Variants in FHAD1 observed in about 807,000 individuals in gnomAD.
FHAD1 encodes the protein forkhead associated phosphopeptide binding domain 1, also known as forkhead-associated domain-containing protein 1.
FHAD1 carries 146 observed loss-of-function variants against 191.3 expected under a neutral mutation model. The observed-to-expected ratio is 0.76, with a 90% CI of 0.67 to 0.88. The LOEUF is 0.88. Ranked by LOEUF, FHAD1 falls within the 40% of genes least tolerant of loss-of-function variation. The pLI, the probability that FHAD1 is intolerant of heterozygous loss-of-function variation, is 0.00. For synonymous variants in FHAD1, 616 were observed against 672.3 expected (o/e 0.92, Z 1.29); for missense variants, 1,635 against 1,785.8 (o/e 0.92, Z 1.52).
At chr1:15,399,742 A>G (rs1706991980), downstream of FHAD1, among the ~76,000 whole-genome samples, 1 of 152,144 alleles carries the variant, frequency 6.6e-6, no homozygotes, top group Non-Finnish European at 1.5e-5. Flanking sequence ...ACATTTCCCC[A>G]CTTGTGTTCA....
intron 8 of FHAD1, among the ~76,000 whole-genome samples, chr1:15,314,049 A>C (rs1673153685): frequency 6.7e-6 from 1 of 149,644 alleles, no homozygotes; most frequent in South Asian, 2.1e-4. Flanking sequence ...AACAAGAGTG[A>C]AACTCCGTCT....
At chr1:15,386,539 C>G (rs1197670574) in intron 31 of FHAD1, among the ~76,000 whole-genome samples, 1 of 152,248 alleles carries the variant, frequency 6.6e-6, no homozygotes, top group Non-Finnish European at 1.5e-5. Context: ...TTTGTTAGGA[C>G]TTGAGTGTGA....
At chr1:15,380,657 T>A in intron 28 of FHAD1, 44 bp from the exon 29 acceptor site, 1 of 1,451,140 alleles carries the variant, frequency 6.9e-7, no homozygotes, top group Non-Finnish European at 9.5e-7. Context: ...TAGAAAGTCA[T>A]AATGGAATGT....
At chr1:15,402,815 A>C (rs1707155925), downstream of FHAD1, among the ~76,000 whole-genome samples, 1 of 152,212 alleles carries the variant, frequency 6.6e-6, no homozygotes, top group South Asian at 2.1e-4. Context: ...TCCAGGAACC[A>C]GCTGGTTGTC....
chr1:15,266,634 C>T (rs939476644), intron 2 of FHAD1, among the ~76,000 whole-genome samples: 2 of 152,076 alleles, frequency 1.3e-5, no homozygotes, highest in Admixed American at 6.5e-5. Context: ...TCATTCTTCA[C>T]GTTATAAAGT....
chr1:15,381,932 C>T lies in FHAD1; in HGVS notation c.4023-96C>T, dbSNP rs1285072233. The stretch of plus-strand genomic sequence containing the variant: ...GATGACACTCCTGAGTGAGCCCCCA[C>T]TGTGGATGTATTTTGAGAGACTTCC... On this transcript the variant is annotated intron_variant, in intron 30 of 33. Transcript: ENST00000688493. This position sits in a 1 kb window ranked among gnomAD's most constrained non-coding sequence, Gnocchi z 4.6. 1 of 1,358,378 alleles carries T rather than the reference C, an allele frequency of 7.4e-7. No individual in the cohort carries two copies. The highest frequency in any genetic ancestry group is 1.5e-5 in the African/African-American group (1 of 68,058). The allele number at this position is 1,358,378 out of a possible 1,614,324, so 84.1% of individuals were successfully genotyped here.
At position 15,342,998 on chromosome 1, in the gene FHAD1, A is replaced by G. The variant is rs367949425; in HGVS notation, c.2130+1110A>G. On this transcript the variant is annotated intron_variant, in intron 16 of 33. Transcript: ENST00000688493. ...TTTTGTAGAAATGAGGTCTCTCTCTATGTTGCCCAGGCTGGTCTCAGACTC... is the reference window on the plus strand; with the variant it reads ...TTTTGTAGAAATGAGGTCTCTCTCTGTGTTGCCCAGGCTGGTCTCAGACTC... 2.1e-4 allele frequency among the ~76,000 whole-genome samples: 32 copies of G among 150,008 alleles called. 1 individual carries two copies. The East Asian group carries it at 5.4e-3, about 25-fold the overall frequency.
rs12737093 is a variant in FHAD1, at chr1:15,374,861, T to G, written c.3577+230T>G. ...TCACTATTGTACGTTTTTTTTTTTG[T>G]TTGTTTTTTTTTTTTGAGACAGAGT... On this transcript the variant is annotated intron_variant, in intron 27 of 33. Coordinates refer to ENST00000688493, the MANE Select transcript of FHAD1 (RefSeq NM_001391957.1). Among the ~76,000 whole-genome samples the G allele has an allele frequency of 1.5e-3, 149 of 102,096 alleles. 1 individual carries two copies. Among genetic ancestry groups the G allele is most frequent in the East Asian group, 7.4e-3 (31 of 4,204 alleles). The allele number at this position is 102,096 out of a possible 152,430, so 67.0% of individuals were successfully genotyped here. A position where few individuals can be genotyped will look rare whatever the true frequency, so the allele number is the denominator to read the frequency against.
chr1:15,257,247 C>T (rs571162442), intron 2 of FHAD1, among the ~76,000 whole-genome samples: 94 of 152,340 alleles, frequency 6.2e-4, no homozygotes, highest in Middle Eastern at 6.8e-3. Context: ...CAGTTCCCCA[C>T]CAACAGTGAG....
chr1:15,391,379 G>C (rs1704006201), intron 33 of FHAD1, 116 bp downstream of exon 33: 1 of 516,792 alleles, frequency 1.9e-6, no homozygotes, highest in African/African-American at 2.0e-5. Flanking sequence ...GCAGTGGCTA[G>C]TTCTGTGGTT....
At chr1:15,239,171 T>A (rs1645091348) in intron 1 of FHAD1, among the ~76,000 whole-genome samples, 2 of 152,184 alleles carry the variant, frequency 1.3e-5, no homozygotes, top group African/African-American at 4.8e-5. Flanking sequence ...CCTCCCAAAG[T>A]GCTGGGATTA....
intron 3 of FHAD1, among the ~76,000 whole-genome samples, chr1:15,284,970 A>G (rs761378775): frequency 2.0e-5 from 3 of 152,216 alleles, no homozygotes; most frequent in Non-Finnish European, 4.4e-5. Context: ...ACTAGCAAGT[A>G]TTTTTTAACT....
intron 19 of FHAD1, among the ~76,000 whole-genome samples, chr1:15,352,425 C>G (rs1307661040): frequency 1.3e-5 from 2 of 152,154 alleles, no homozygotes; most frequent in Non-Finnish European, 2.9e-5. Flanking sequence ...AAGTGGCTGC[C>G]TGGGTCCTCA....
intron 4 of FHAD1, among the ~76,000 whole-genome samples, chr1:15,292,758 A>G (rs1220522061): frequency 6.6e-6 from 1 of 152,128 alleles, no homozygotes; most frequent in Non-Finnish European, 1.5e-5. Context: ...CCTCAGGAGA[A>G]GCCACCCGGC....
At chr1:15,331,467 AGTGG>A (rs1194089012) in intron 14 of FHAD1, among the ~76,000 whole-genome samples, 6 of 61,758 alleles carry the variant, frequency 9.7e-5, no homozygotes, top group Non-Finnish European at 9.5e-5. Flanking sequence ...TGGAAGGGTG[AGTGG>A]GTGGGTGGGT....
chr1:15,390,083 C>T (rs1243417610), intron 32 of FHAD1, among the ~76,000 whole-genome samples: 3 of 152,114 alleles, frequency 2.0e-5, no homozygotes, highest in Admixed American at 6.6e-5. Context: ...TGGTGGCTCA[C>T]GCCTGTAATT....
intron 8 of FHAD1, among the ~76,000 whole-genome samples, chr1:15,315,778 G>A (rs1411705640): frequency 2.0e-5 from 3 of 152,058 alleles, no homozygotes; most frequent in Non-Finnish European, 2.9e-5. Flanking sequence ...AAGCCACCGC[G>A]CCCAGCCGGG....
rs532326453 is a variant in FHAD1, at chr1:15,369,291, A to G, written c.3315-79A>G. 162 of 1,430,854 alleles carry G rather than the reference A, an allele frequency of 1.1e-4. No homozygotes were observed. The South Asian group carries it at 1.9e-3, about 17-fold the overall frequency. 88.6% of individuals were successfully genotyped at this position (1,430,854 alleles called of 1,614,324 possible). A position where few individuals can be genotyped will look rare whatever the true frequency, so the allele number is the denominator to read the frequency against. ...CTGTTTCCTATAAAAATAGAGCTCC[A>G]TGTCCTGGTCTTCCAATGAGTGTAA... is the stretch of plus-strand genomic sequence containing the variant. On this transcript the variant is annotated intron_variant, in intron 25 of 33. Coordinates refer to ENST00000688493, the MANE Select transcript of FHAD1 (RefSeq NM_001391957.1).
At position 15,380,076 on chromosome 1, in the gene FHAD1, G is replaced by C. The variant is rs533114541; in HGVS notation, c.3706-625G>C. 5.8e-4 allele frequency among the ~76,000 whole-genome samples: 89 copies of C among 152,294 alleles called. 1 individual carries two copies. Among genetic ancestry groups the C allele is most frequent in the African/African-American group, 2.0e-3 (83 of 41,556 alleles). ...GAAAATGGCATTCCTTTAATAAAAGGAGGGGGGATGTTTTCTATTTAACCT... is the reference window on the plus strand; with the variant it reads ...GAAAATGGCATTCCTTTAATAAAAGCAGGGGGGATGTTTTCTATTTAACCT... On this transcript the variant is annotated intron_variant, in intron 28 of 33. Coordinates refer to ENST00000688493, the MANE Select transcript of FHAD1 (RefSeq NM_001391957.1).
Sources: allele counts gnomAD v4.1 joint callset (sites outside exome capture counted in the v4.1 genomes callset), GRCh38; gene constraint gnomAD v4.1.1; non-coding constraint Gnocchi (gnomAD v3.1); transcripts MANE v1.5; gene names NCBI Gene and HGNC (gene_info 2026-07-23, HGNC 2026-07-21).